Variants in DAB2IP observed in about 807,000 individuals in gnomAD.
DAB2IP encodes the protein DAB2 interacting protein.
A neutral mutation model predicts 107.2 loss-of-function variants in DAB2IP; 28 were observed. The ratio of observed to expected loss-of-function variants is 0.26; its 90% confidence interval spans 0.19 to 0.36. The LOEUF (loss-of-function observed/expected upper bound fraction) is 0.36, where lower values mean the gene tolerates loss of function less well. Among genes scored for constraint, DAB2IP ranks in the 10% least tolerant of loss-of-function variants. The pLI is 1.00. For missense variants in DAB2IP, 1,400 were observed against 1,644.7 expected, an observed-to-expected ratio of 0.85 and a Z score of 2.57; for synonymous variants, 755 against 706.4, an observed-to-expected ratio of 1.07 and a Z score of -1.09.
At position 121,662,257 on chromosome 9, in the gene DAB2IP, C is replaced by CTCTTTTCT. The variant is rs1230661972; in HGVS notation, c.124+10360_124+10367dup. Among the ~76,000 whole-genome samples, 1 of 152,202 alleles carries CTCTTTTCT rather than the reference C, an allele frequency of 6.6e-6. No homozygotes were observed. Among genetic ancestry groups the CTCTTTTCT allele is most frequent in the Non-Finnish European group, 1.5e-5 (1 of 68,036 alleles). On this transcript the variant is annotated intron_variant, in intron 1 of 15. Transcript: ENST00000408936. This position sits in a 1 kb window ranked among gnomAD's most constrained non-coding sequence, Gnocchi z 4.6. ...TAACATTGCCATACCTGCCTCTCTT[C>CTCTTTTCT]TCTTTTCTTTCTATCTTTCTTAGAA...
At chr9:121,752,604 G>C (rs1226326517) in intron 3 of DAB2IP, among the ~76,000 whole-genome samples, 2 of 152,206 alleles carry the variant, frequency 1.3e-5, no homozygotes, top group Non-Finnish European at 2.9e-5. Context: ...CATGTGCCTG[G>C]GGCCCTGCCT....
intron 1 of DAB2IP, among the ~76,000 whole-genome samples, chr9:121,585,682 T>C (rs555022221): frequency 1.3e-5 from 2 of 152,178 alleles, no homozygotes; most frequent in South Asian, 4.1e-4. Context: ...GCAAGATCCC[T>C]GTCTCTACAA....
intron 8 of DAB2IP, among the ~76,000 whole-genome samples, chr9:121,765,071 G>A (rs1421811924): frequency 6.6e-6 from 1 of 152,164 alleles, no homozygotes; most frequent in African/African-American, 2.4e-5. Context: ...TGCTTGCCTG[G>A]GCCAAATGGG....
At chr9:121,758,363 A>G (rs748900053) in intron 4 of DAB2IP, among the ~76,000 whole-genome samples, 3 of 152,206 alleles carry the variant, frequency 2.0e-5, no homozygotes, top group Non-Finnish European at 4.4e-5. Flanking sequence ...TCATTTCTCC[A>G]GTCTGGCATA....
chr9:121,597,775 A>G (rs1163320241), intron 1 of DAB2IP, among the ~76,000 whole-genome samples: 1 of 152,216 alleles, frequency 6.6e-6, no homozygotes, highest in Admixed American at 6.5e-5. Context: ...GCACAGCCAG[A>G]AAGTGTTGGA....
chr9:121,673,063 G>A (rs74838854), intron 1 of DAB2IP, among the ~76,000 whole-genome samples: 1 of 152,228 alleles, frequency 6.6e-6, no homozygotes, highest in Admixed American at 6.5e-5. Context: ...TAGAGGGTGT[G>A]TGTGTGTTTT....
Position 121,782,186 on chromosome 9 carries a change from A to G in DAB2IP, c.3403-145A>G, listed in dbSNP as rs1588026007. ...CATGATGCTGCAGAGGCCTCTGCCT[A>G]CCTTCTCTTGCCAGCTGCTCACAGC... On this transcript the variant is annotated intron_variant, in intron 15 of 15. Transcript: ENST00000408936. This position sits in a 1 kb window ranked among gnomAD's most constrained non-coding sequence, Gnocchi z 6.1. 5.9e-6 allele frequency: 8 copies of G among 1,351,644 alleles called. No homozygotes were observed. Among genetic ancestry groups the G allele is most frequent in the African/African-American group, 1.5e-5 (1 of 68,070 alleles). 83.7% of individuals were successfully genotyped at this position (1,351,644 alleles called of 1,614,324 possible). A position where few individuals can be genotyped will look rare whatever the true frequency, so the allele number is the denominator to read the frequency against.
intron 2 of DAB2IP, among the ~76,000 whole-genome samples, chr9:121,686,820 C>A (rs752669754): frequency 3.9e-5 from 6 of 152,206 alleles, no homozygotes; most frequent in Non-Finnish European, 8.8e-5. Context: ...ACCTCCACCC[C>A]ACATTTCCTC....
At position 121,579,708 on chromosome 9, in the gene DAB2IP, C is replaced by T. The variant is rs151280141; in HGVS notation, c.40+12480C>T. 7.2e-5 allele frequency among the ~76,000 whole-genome samples: 11 copies of T among 152,338 alleles called. 1 individual carries two copies. Among genetic ancestry groups the T allele is most frequent in the East Asian group, 3.9e-4 (2 of 5,186 alleles). On this transcript the variant is annotated intron_variant, in intron 1 of 16. Transcript: ENST00000259371. ...GTCCATCGATCTGTCAGTCCACATG[C>T]CTGTCTCTGCCACACACCTTGGAGC...
Position 121,782,267 on chromosome 9 carries a change from G to A in DAB2IP, c.3403-64G>A, listed in dbSNP as rs951104647. The A allele has an allele frequency of 8.7e-5, 135 of 1,548,760 alleles. No homozygotes were observed. Among genetic ancestry groups the A allele is most frequent in the Non-Finnish European group, 1.0e-4 (118 of 1,140,886 alleles). On this transcript the variant is annotated intron_variant, in intron 15 of 15. Transcript: ENST00000408936. This position sits in a 1 kb window ranked among gnomAD's most constrained non-coding sequence, Gnocchi z 6.1. Reference sequence around the variant, plus strand: ...GCCACCCCCTTCCCCGATGCTTGTCGTAGGTATACACAGCCCTAAGGAGCC... The same window carrying A: ...GCCACCCCCTTCCCCGATGCTTGTCATAGGTATACACAGCCCTAAGGAGCC...
chr9:121,639,000 G>A (rs1289454125), intron 1 of DAB2IP, among the ~76,000 whole-genome samples: 1 of 152,138 alleles, frequency 6.6e-6, no homozygotes, highest in African/African-American at 2.4e-5. Context: ...GGAGTAGGGT[G>A]TGGTAAGAGG....
intron 1 of DAB2IP, among the ~76,000 whole-genome samples, chr9:121,652,931 G>C (rs1013206133): frequency 6.6e-6 from 1 of 152,152 alleles, no homozygotes; most frequent in Non-Finnish European, 1.5e-5. Context: ...TTTTCCCACA[G>C]TCAGGTCTGA....
At chr9:121,693,131 G>A (rs764255664) in intron 2 of DAB2IP, among the ~76,000 whole-genome samples, 6 of 152,222 alleles carry the variant, frequency 3.9e-5, no homozygotes, top group Admixed American at 6.5e-5. Flanking sequence ...AAGCGTGGAT[G>A]CTGAAGATGC....
chr9:121,617,639 A>G (rs1831324219), intron 1 of DAB2IP, among the ~76,000 whole-genome samples: 1 of 152,250 alleles, frequency 6.6e-6, no homozygotes, highest in South Asian at 2.1e-4. Context: ...TGAGGTCTGG[A>G]CACTGCAGCT....
At position 121,757,185 on chromosome 9, in the gene DAB2IP, GT is replaced by G; in HGVS notation, c.516+21del. The stretch of plus-strand genomic sequence containing the variant: ...CTTCGAGGTGGGTCCCATCACAGGG[GT>G]TGGGGTGGACACCCCATCCTCTCCT... On this transcript the variant is annotated intron_variant, in intron 4 of 15. Coordinates refer to ENST00000408936, the Ensembl canonical transcript of DAB2IP. The G allele has an allele frequency of 6.2e-7, 1 of 1,610,468 alleles. No individual in the cohort carries two copies. Among genetic ancestry groups the G allele is most frequent in the Non-Finnish European group, 8.5e-7 (1 of 1,177,658 alleles).
At chr9:121,783,715 C>A (rs1163874103) in exon 16 of DAB2IP, 1 of 915,416 alleles carries the variant, frequency 1.1e-6, no homozygotes, top group African/African-American at 1.6e-5. Flanking sequence ...TCACCCTTCC[C>A]GGCCCCCGGC....
chr9:121,727,041 C>T (rs1162315644), intron 3 of DAB2IP, among the ~76,000 whole-genome samples: 1 of 151,688 alleles, frequency 6.6e-6, no homozygotes, highest in Non-Finnish European at 1.5e-5. Flanking sequence ...TTGTGCTGGA[C>T]TTACTGCAGG....
At chr9:121,604,507 T>G (rs1199255282) in intron 1 of DAB2IP, among the ~76,000 whole-genome samples, 3 of 152,204 alleles carry the variant, frequency 2.0e-5, no homozygotes, top group Non-Finnish European at 2.9e-5. Flanking sequence ...GGCTCCAGTT[T>G]TCCTCCCTGC....
In DAB2IP at chr9:121,688,961, G is replaced by A. The variant is rs1829026166; in HGVS notation, c.228+10180G>A. On this transcript the variant is annotated intron_variant, in intron 2 of 15. Transcript: ENST00000408936. ...CTTGGGAGGACAGGTCAAGACAAGT[G>A]ACCCAGCCCACCAGAGGCCAGCAAG... Among the ~76,000 whole-genome samples the A allele has an allele frequency of 2.6e-5, 4 of 152,172 alleles. No individual in the cohort carries two copies. The South Asian group carries it at 8.3e-4, about 31-fold the overall frequency.
Sources: gnomAD v4.1 joint callset for allele counts (sites outside exome capture counted in the v4.1 genomes callset) on GRCh38, gnomAD v4.1.1 for gene constraint, Gnocchi (gnomAD v3.1) non-coding constraint, MANE v1.5 for transcripts, NCBI Gene and HGNC (gene_info 2026-07-23, HGNC 2026-07-21) for gene names.